The following GART variants were observed in gnomAD, a reference collection of about 807,000 sequenced individuals.
GART encodes phosphoribosylglycinamide formyltransferase, phosphoribosylglycinamide synthetase, phosphoribosylaminoimidazole synthetase.
GART carries 43 observed loss-of-function variants against 107.2 expected under a neutral mutation model. That is an observed-to-expected ratio of 0.40 (90% confidence interval 0.31 to 0.52). The LOEUF is 0.52. Ranked by LOEUF, GART falls within the 20% of genes least tolerant of loss-of-function variation. The pLI, the probability that GART is intolerant of heterozygous loss-of-function variation, is 0.52. For missense variants in GART, 1,107 were observed against 1,206.5 expected (o/e 0.92, Z 1.22); for synonymous variants, 434 against 427.0 (o/e 1.02, Z -0.20).
At chr21:33,520,162 C>A (rs2084944133) in intron 14 of GART, among the ~76,000 whole-genome samples, 2 of 152,174 alleles carry the variant, frequency 1.3e-5, no homozygotes, top group Non-Finnish European at 2.9e-5. Context: ...GAGGACAAAC[C>A]CCTGAGGAGG....
At chr21:33,532,561 CAGAA>C in intron 4 of GART, 105 bp from the exon 5 acceptor site, 1 of 822,336 alleles carries the variant, frequency 1.2e-6, no homozygotes, top group Non-Finnish European at 2.0e-6. Flanking sequence ...GACTGAAAAG[CAGAA>C]AGAAAAAAAT....
chr21:33,511,540 G>A lies in GART; in HGVS notation c.2108-82C>T. ...AAGTATGCACATATTCAAAGATGTGGAAATTATAATCAGGCTCTGCTATTT... is the reference window on the plus strand; with the variant it reads ...AAGTATGCACATATTCAAAGATGTGAAAATTATAATCAGGCTCTGCTATTT... On this transcript the variant is annotated intron_variant, in intron 16 of 21. Transcript: ENST00000381815. 1.5e-6 allele frequency: 2 copies of A among 1,369,548 alleles called. 1 individual carries two copies. The highest frequency in any genetic ancestry group is 2.3e-5 in the South Asian group (2 of 85,228). 84.8% of individuals were successfully genotyped at this position (1,369,548 alleles called of 1,614,324 possible).
At chr21:33,512,379 TATA>T (rs1341668379) in intron 16 of GART, among the ~76,000 whole-genome samples, 1 of 151,458 alleles carries the variant, frequency 6.6e-6, no homozygotes, top group Non-Finnish European at 1.5e-5. Context: ...GGTAAAGGTC[TATA>T]TACACACACA....
Position 33,522,290 on chromosome 21 carries a change from A to G in GART, c.1299-8T>C. On this transcript the variant is annotated splice_polypyrimidine_tract_variant and splice_region_variant and intron_variant, in intron 11 of 21. Coordinates refer to ENST00000381815, the MANE Select transcript of GART (RefSeq NM_000819.5). ...TCCTTGTAAGTCAAACTCCTAAAGA[A>G]TTAAAAACAAGTCATCACCTAAACG... The G allele has an allele frequency of 6.3e-7, 1 of 1,588,458 alleles. No individual in the cohort carries two copies. Among genetic ancestry groups the G allele is most frequent in the Non-Finnish European group, 8.6e-7 (1 of 1,156,958 alleles).
At chr21:33,539,415 G>T in intron 1 of GART, 59 bp from the exon 2 acceptor site, 1 of 1,333,934 alleles carries the variant, frequency 7.5e-7, no homozygotes, top group South Asian at 1.4e-5. Flanking sequence ...ACCCAGGGAC[G>T]GGCACAGTGG....
chr21:33,533,323 C>T (rs1275974919), intron 4 of GART, among the ~76,000 whole-genome samples: 1 of 151,272 alleles, frequency 6.6e-6, no homozygotes, highest in South Asian at 2.1e-4. Flanking sequence ...CCTGTATTCC[C>T]AGCTACTCGG....
intron 7 of GART, 94 bp downstream of exon 7, chr21:33,530,664 CA>C: frequency 2.4e-6 from 3 of 1,227,448 alleles, no homozygotes. Context: ...TAGCAACAAA[CA>C]AACAGAAAAC....
chr21:33,539,317 G>A lies in GART; in HGVS notation c.-2C>T, dbSNP rs554427640. 1 of 1,607,994 alleles carries A rather than the reference G, an allele frequency of 6.2e-7. No individual in the cohort carries two copies. The highest frequency in any genetic ancestry group is 8.5e-7 in the Non-Finnish European group (1 of 1,178,386). ...AATTATAAGTACTCGGGCTGCCATTGTTCTGTCTGTAAAGCAGAAATTCCA... is the reference window on the plus strand; with the variant it reads ...AATTATAAGTACTCGGGCTGCCATTATTCTGTCTGTAAAGCAGAAATTCCA... On this transcript the variant is annotated 5_prime_UTR_variant, in exon 2 of 22. Transcript: ENST00000381815.
intron 14 of GART, chr21:33,518,876 C>A: frequency 1.9e-6 from 1 of 536,292 alleles, no homozygotes; most frequent in East Asian, 4.8e-5. Flanking sequence ...TGCGTTGTCT[C>A]AGCATGGCCT....
chr21:33,516,887 C>CCATGTGTAAT (rs756345426), intron 16 of GART, 102 bp downstream of exon 16: 11 of 999,968 alleles, frequency 1.1e-5, no homozygotes, highest in Non-Finnish European at 1.6e-5. Context: ...TAAGAATTTT[C>CCATGTGTAAT]CATGTGTAAT....
At chr21:33,509,668 T>C (rs776106158) in intron 18 of GART, 115 bp downstream of exon 18, 57 of 1,038,216 alleles carry the variant, frequency 5.5e-5, no homozygotes, top group Non-Finnish European at 7.4e-5. Flanking sequence ...ACAACCCTCA[T>C]GATTCCCCCC....
intron 12 of GART, among the ~76,000 whole-genome samples, chr21:33,521,907 C>T (rs1004158303): frequency 4.1e-5 from 6 of 147,040 alleles, no homozygotes; most frequent in Admixed American, 6.8e-5. Context: ...TGCAGTGAGC[C>T]GAGATGGTGC....
intron 2 of GART, 28 bp from the exon 3 acceptor site, chr21:33,535,348 C>T (rs774200462): frequency 3.2e-6 from 3 of 938,638 alleles, no homozygotes; most frequent in South Asian, 2.0e-5. Flanking sequence ...AAAAAAAAAA[C>T]CACTGCATTT....
intron 17 of GART, 38 bp from the exon 18 acceptor site, chr21:33,509,958 A>AT: frequency 1.3e-6 from 2 of 1,564,520 alleles, no homozygotes; most frequent in Non-Finnish European, 1.7e-6. Context: ...GTAAAGAACA[A>AT]TTGTGAATTA....
rs767891305 is a variant in GART at position 33,509,852 on chromosome 21, C to T, written c.2383G>A (p.Gly795Ser). 4 of 1,613,584 alleles carry T rather than the reference C, an allele frequency of 2.5e-6. No individual in the cohort carries two copies. The highest frequency in any genetic ancestry group is 1.1e-5 in the South Asian group (1 of 91,068). Reference protein sequence around the residue: ...MQINGSVLKNGSLTNHFSFEK... With the variant: ...MQINGSVLKNSSLTNHFSFEK... ...AAAGAGAAATGATTTGTCAGGGAGC[C>T]ATTCTTCAACACTGACCCATTTATT... is the stretch of plus-strand genomic sequence containing the variant. Residue 795 changes from glycine (G) to serine (S), a missense_variant, in exon 18 of 22, where the codon GGC becomes AGC. Gly to Ser is a moderately conservative substitution (Grantham distance 56, BLOSUM62 0). Transcript: ENST00000381815.
chr21:33,505,077 G>A lies in GART; in HGVS notation c.2725+484C>T, dbSNP rs117894035. 2.2e-3 allele frequency among the ~76,000 whole-genome samples: 328 copies of A among 152,226 alleles called. 11 individuals carry two copies. In the East Asian group the frequency reaches 0.058, roughly 27 times the overall value. ...AAACAGGATGCAGTCAAGGCTTTTG[G>A]GAAGAAGGCAGTAACATAGATAGTA... On this transcript the variant is annotated intron_variant, in intron 20 of 21. Coordinates refer to ENST00000381815, the MANE Select transcript of GART (RefSeq NM_000819.5).
chr21:33,532,270 A>T, intron 5 of GART, 75 bp downstream of exon 5: 1 of 1,017,154 alleles, frequency 9.8e-7, no homozygotes, highest in Non-Finnish European at 1.5e-6. Context: ...TATTGTGAGG[A>T]ACATTTTTTA....
chr21:33,521,523 T>C (rs1455144002), intron 12 of GART, among the ~76,000 whole-genome samples: 1 of 150,390 alleles, frequency 6.6e-6, no homozygotes, highest in Non-Finnish European at 1.5e-5. Context: ...TCCCAGCTAC[T>C]CGGGAGGCTG....
chr21:33,512,592 A>AT (rs957653155), intron 16 of GART, among the ~76,000 whole-genome samples: 6 of 150,192 alleles, frequency 4.0e-5, no homozygotes, highest in African/African-American at 7.3e-5. Flanking sequence ...TTATTGGATA[A>AT]TTTTTTTTTT....
Sources: allele counts gnomAD v4.1 joint callset (sites outside exome capture counted in the v4.1 genomes callset), GRCh38; gene constraint gnomAD v4.1.1; transcripts MANE v1.5; gene names NCBI Gene and HGNC (gene_info 2026-07-23, HGNC 2026-07-21).